Variants in PECR observed in about 807,000 individuals in gnomAD.
The protein encoded by PECR is 2,4-dienoyl-CoA reductase-related protein.
In PECR, 30 loss-of-function variants were observed where a neutral mutation model predicts 35.3. The observed-to-expected ratio is 0.85, with a 90% CI of 0.64 to 1.15. PECR has a LOEUF of 1.15. Among genes scored for constraint, PECR ranks in the 50% most tolerant of loss-of-function variants. The pLI is 0.00. For missense variants in PECR, 392 were observed against 370.8 expected (o/e 1.06, Z -0.47); for synonymous variants, 148 against 138.9 (o/e 1.07, Z -0.46).
intron 7 of PECR, among the ~76,000 whole-genome samples, chr2:216,042,025 A>G (rs557820384): frequency 1.3e-5 from 2 of 152,310 alleles, no homozygotes; most frequent in South Asian, 2.1e-4. Flanking sequence ...TGCTCTAGCA[A>G]ATTACTCCAA....
intron 1 of PECR, among the ~76,000 whole-genome samples, chr2:216,079,167 T>TA (rs1223780299): frequency 6.6e-6 from 1 of 150,956 alleles, no homozygotes; most frequent in Non-Finnish European, 1.5e-5. Flanking sequence ...TTTTTTTTTT[T>TA]AACTAAAAAC....
chr2:216,080,706 G>A (rs112747077), intron 1 of PECR, among the ~76,000 whole-genome samples: 1 of 152,032 alleles, frequency 6.6e-6, no homozygotes, highest in Non-Finnish European at 1.5e-5. Context: ...AAATCTTACT[G>A]TTTCATATTT....
chr2:216,075,218 G>A (rs540804451), intron 1 of PECR, among the ~76,000 whole-genome samples: 1 of 152,254 alleles, frequency 6.6e-6, no homozygotes, highest in African/African-American at 2.4e-5. Flanking sequence ...AGTGAGCTAT[G>A]ATGACACTAC....
chr2:216,079,753 G>A (rs1224097710), intron 1 of PECR, among the ~76,000 whole-genome samples: 16 of 149,622 alleles, frequency 1.1e-4, no homozygotes, highest in Admixed American at 6.6e-4. Flanking sequence ...AGGCCGAGGC[G>A]GGCGGATCAC....
chr2:216,055,081 C>T (rs1452209773), intron 4 of PECR, among the ~76,000 whole-genome samples: 7 of 145,506 alleles, frequency 4.8e-5, no homozygotes, highest in Non-Finnish European at 1.0e-4. Flanking sequence ...CACTGCACTC[C>T]AGCCTGGGTG....
chr2:216,053,542 C>T (rs745422547), intron 4 of PECR, among the ~76,000 whole-genome samples: 5 of 152,150 alleles, frequency 3.3e-5, no homozygotes, highest in Non-Finnish European at 7.4e-5. Flanking sequence ...CCGGGCCTGG[C>T]CAAATCTGTT....
intron 3 of PECR, among the ~76,000 whole-genome samples, chr2:216,059,714 G>A (rs2105957342): frequency 6.6e-6 from 1 of 152,208 alleles, no homozygotes; most frequent in South Asian, 2.1e-4. Flanking sequence ...GGTGTGAAGT[G>A]GTATCACACT....
chr2:216,057,782 G>A (rs896303269), intron 4 of PECR: 2 of 152,086 alleles, frequency 1.3e-5, no homozygotes, highest in Admixed American at 1.3e-4. Context: ...ACCATGCATA[G>A]CAGAGCAACC....
intron 1 of PECR, among the ~76,000 whole-genome samples, chr2:216,069,712 C>T (rs548704686): frequency 9.6e-4 from 146 of 152,020 alleles, no homozygotes; most frequent in African/African-American, 2.6e-3. Context: ...TCGAGGTGGG[C>T]GGATCACAAG....
At chr2:216,040,403 C>A (rs72952609) in intron 7 of PECR, among the ~76,000 whole-genome samples, 29,670 of 152,098 alleles carry the variant, frequency 0.2, 3,021 homozygotes, top group Non-Finnish European at 0.23. Context: ...CAGGCACATG[C>A]CACCATGCCA....
In PECR at chr2:216,049,283, G is replaced by C. The variant is rs771102215; in HGVS notation, c.694C>G (p.Arg232Gly). 3 of 1,564,188 alleles carry C rather than the reference G, an allele frequency of 1.9e-6. No individual in the cohort carries two copies. The highest frequency in any genetic ancestry group is 2.6e-6 in the Non-Finnish European group (3 of 1,134,398). ...CTTACCTCCTCAGGAACACCAATTC[G>C]TTTAGCGGGGATTTTCTGAAAAGAC... is the stretch of plus-strand genomic sequence containing the variant. ...EGSFQKIPAK[R>G]IGVPEEVSSV... The change falls in exon 6 of 8, where the codon CGA (arginine) becomes GGA (glycine). Residue 232 changes from arginine to glycine, a missense_variant. Physicochemically the swap from Arg to Gly is moderately radical, Grantham distance 125. Coordinates refer to ENST00000265322, the MANE Select transcript of PECR (RefSeq NM_018441.6).
Position 216,044,805 on chromosome 2 carries a change from C to G in PECR, c.715-790G>C, listed in dbSNP as rs565581237. ...CAGCAACATCTACTCCCAACCCAAA[C>G]AGAAGGAAGTTATTTCACTGACTTG... On this transcript the variant is annotated intron_variant, in intron 6 of 7. Transcript: ENST00000265322. Among the ~76,000 whole-genome samples, 11 of 152,320 alleles carry G rather than the reference C, an allele frequency of 7.2e-5. No homozygotes were observed. In the South Asian group the frequency reaches 1.7e-3, roughly 23 times the overall value.
At chr2:216,056,313 A>T (rs1695224518) in intron 4 of PECR, among the ~76,000 whole-genome samples, 1 of 152,188 alleles carries the variant, frequency 6.6e-6, no homozygotes, top group Non-Finnish European at 1.5e-5. Flanking sequence ...GGATACCTAA[A>T]GCCATGTCTT....
At chr2:216,046,548 T>A (rs188911327) in intron 6 of PECR, among the ~76,000 whole-genome samples, 1 of 152,014 alleles carries the variant, frequency 6.6e-6, no homozygotes, top group African/African-American at 2.4e-5. Context: ...CTACCTCAAG[T>A]GATCCACCTG....
chr2:216,053,959 A>G (rs912123224), intron 4 of PECR, among the ~76,000 whole-genome samples: 3 of 152,064 alleles, frequency 2.0e-5, no homozygotes, highest in Non-Finnish European at 2.9e-5. Flanking sequence ...TCCCAGTTCT[A>G]TTTGGATGAC....
At position 216,044,836 on chromosome 2, in the gene PECR, G is replaced by A. The variant is rs1327883085; in HGVS notation, c.715-821C>T. Among the ~76,000 whole-genome samples the A allele has an allele frequency of 2.6e-5, 4 of 152,166 alleles. No individual in the cohort carries two copies. In the East Asian group the frequency reaches 7.7e-4, roughly 29 times the overall value. ...GAAGTTATTTCACTGACTTGTAAAG[G>A]AGCTCTCACTTGAGGCTGTGGGAAG... On this transcript the variant is annotated intron_variant, in intron 6 of 7. Coordinates refer to ENST00000265322, the MANE Select transcript of PECR (RefSeq NM_018441.6).
At chr2:216,042,828 C>A in intron 7 of PECR, among the ~76,000 whole-genome samples, 1 of 151,786 alleles carries the variant, frequency 6.6e-6, no homozygotes, top group East Asian at 1.9e-4. Flanking sequence ...ATGATCTTGG[C>A]TCACTGCAAT....
chr2:216,078,849 T>C (rs1695765586), intron 1 of PECR, among the ~76,000 whole-genome samples: 1 of 152,172 alleles, frequency 6.6e-6, no homozygotes, highest in Non-Finnish European at 1.5e-5. Flanking sequence ...GGCCAATGCA[T>C]ATTTATGCAA....
chr2:216,061,503 G>A (rs1187536309), intron 3 of PECR, among the ~76,000 whole-genome samples: 3 of 151,992 alleles, frequency 2.0e-5, no homozygotes, highest in African/African-American at 7.3e-5. Flanking sequence ...AAAAATTTAA[G>A]ATGACCAATA....
Sources: gnomAD v4.1 joint callset for allele counts (sites outside exome capture counted in the v4.1 genomes callset) on GRCh38, gnomAD v4.1.1 for gene constraint, MANE v1.5 for transcripts, NCBI Gene and HGNC (gene_info 2026-07-23, HGNC 2026-07-21) for gene names.